KCNK15: variants seen among roughly 807,000 people sequenced by gnomAD.
KCNK15 encodes the protein potassium channel subfamily K member 15.
In KCNK15, 9 loss-of-function variants were observed where a neutral mutation model predicts 8.5. The observed-to-expected ratio is 1.06, with a 90% CI of 0.64 to 1.85. KCNK15 has a LOEUF of 1.85. Ranked by LOEUF, KCNK15 falls within the 40% of genes most tolerant of loss-of-function variation. The pLI is 0.00. For synonymous variants in KCNK15, 224 were observed against 232.7 expected, an observed-to-expected ratio of 0.96 and a Z score of 0.34; for missense variants, 467 against 476.8, an observed-to-expected ratio of 0.98 and a Z score of 0.19.
Position 44,750,339 on chromosome 20 carries a change from T to A in KCNK15, c.494T>A (p.Leu165Gln). The A allele has an allele frequency of 6.2e-7, 1 of 1,612,072 alleles. No individual in the cohort carries two copies. The highest frequency in any genetic ancestry group is 8.5e-7 in the Non-Finnish European group (1 of 1,179,482). Reference protein sequence around the residue: ...STENLVVAGLLACAATLALGA... With the variant: ...STENLVVAGLQACAATLALGA... ...GAGAACCTGGTGGTGGCCGGGCTGC[T>A]GGCGTGTGCCGCCACCCTGGCCCTC... is the stretch of plus-strand genomic sequence containing the variant. The change falls in exon 2 of 2, where the codon CTG becomes CAG. Residue 165 changes from leucine (L) to glutamine (Q), a missense_variant. Physicochemically the swap from Leu to Gln is moderately radical, Grantham distance 113. Around this residue, in one of 2 missense-constraint regions of KCNK15, gnomAD observed 455 missense variants for 441.2 expected, o/e 1.03. Transcript: ENST00000372861.
chr20:44,750,138 A>C lies in KCNK15; in HGVS notation c.293A>C (p.His98Pro). Residue 98 changes from histidine to proline, a missense_variant, in exon 2 of 2, where the codon CAC (histidine) becomes CCC (proline). By Grantham distance (77) the His-to-Pro change is moderately conservative. Coordinates refer to ENST00000372861, the MANE Select transcript of KCNK15 (RefSeq NM_022358.4). ...CGCTCTCCCTGCATAGAGTACGGCC[A>C]CGCCGCGCCGGGTACGGACTCCGGC... The part of the protein sequence containing the change: ...ITVITTIEYG[H>P]AAPGTDSGKV... The C allele has an allele frequency of 2.5e-6, 4 of 1,606,040 alleles. No individual in the cohort carries two copies. Among genetic ancestry groups the C allele is most frequent in the Non-Finnish European group, 3.4e-6 (4 of 1,178,564 alleles).
Position 44,750,351 on chromosome 20 carries a change from C to T in KCNK15, c.506C>T (p.Ala169Val). ...LVVAGLLACA[A>V]TLALGAVAFS... is the part of the protein sequence containing the mutation. Reference sequence around the variant, plus strand: ...GTGGCCGGGCTGCTGGCGTGTGCCGCCACCCTGGCCCTCGGGGCCGTCGCC... The same window carrying T: ...GTGGCCGGGCTGCTGGCGTGTGCCGTCACCCTGGCCCTCGGGGCCGTCGCC... Residue 169 changes from alanine to valine, a missense_variant, in exon 2 of 2, where the codon GCC becomes GTC. Ala to Val is a moderately conservative substitution (Grantham distance 64). This residue lies in a region of KCNK15 where 455 missense variants were observed against 441.2 expected (regional missense o/e 1.03). Transcript: ENST00000372861. The T allele has an allele frequency of 6.2e-7, 1 of 1,612,756 alleles. No homozygotes were observed. The highest frequency in any genetic ancestry group is 8.5e-7 in the Non-Finnish European group (1 of 1,179,670).
In KCNK15 at chr20:44,751,672, T is replaced by C. The variant is rs2066032917; in HGVS notation, c.*834T>C. 6.6e-6 allele frequency: 1 copy of C among 152,180 alleles called. No homozygotes were observed. The highest frequency in any genetic ancestry group is 6.5e-5 in the Admixed American group (1 of 15,280). 9.4% of individuals were successfully genotyped at this position (152,180 alleles called of 1,614,324 possible). A position where few individuals can be genotyped will look rare whatever the true frequency, so the allele number is the denominator to read the frequency against. On this transcript the variant is annotated 3_prime_UTR_variant, in exon 2 of 2. Coordinates refer to ENST00000372861, the MANE Select transcript of KCNK15 (RefSeq NM_022358.4). Reference sequence around the variant, plus strand: ...CTCTTACGCATCTCTGGCAGGACTTTCTGGAACAGGCCCCTGCACCATAAG... The same window carrying C: ...CTCTTACGCATCTCTGGCAGGACTTCCTGGAACAGGCCCCTGCACCATAAG...
In KCNK15 at chr20:44,750,905, C is replaced by T; in HGVS notation, c.*67C>T. 1 of 1,121,004 alleles carries T rather than the reference C, an allele frequency of 8.9e-7. No homozygotes were observed. Among genetic ancestry groups the T allele is most frequent in the Non-Finnish European group, 1.2e-6 (1 of 858,572 alleles). The allele number at this position is 1,121,004 out of a possible 1,614,324, so 69.4% of individuals were successfully genotyped here. A position where few individuals can be genotyped will look rare whatever the true frequency, so the allele number is the denominator to read the frequency against. On this transcript the variant is annotated 3_prime_UTR_variant, in exon 2 of 2. Transcript: ENST00000372861. The stretch of plus-strand genomic sequence containing the variant: ...CTGGCTTCAGCTATCAGGGCACCCT[C>T]CCCAGGGATTGGAAACGGATGACGG...
intron 1 of KCNK15, among the ~76,000 whole-genome samples, chr20:44,748,119 ACT>A (rs2066015160): frequency 6.6e-6 from 1 of 151,806 alleles, no homozygotes; most frequent in African/African-American, 2.4e-5. Context: ...TATTCATTTC[ACT>A]CTCTGCCAAA....
At chr20:44,748,794 C>A (rs2066017273) in intron 1 of KCNK15, among the ~76,000 whole-genome samples, 1 of 152,282 alleles carries the variant, frequency 6.6e-6, no homozygotes, top group South Asian at 2.1e-4. Flanking sequence ...CTGTCCTGTG[C>A]ATTGCAAGAT....
Position 44,750,777 on chromosome 20 carries a change from G to T in KCNK15, c.932G>T (p.Ser311Ile). 2 of 1,509,896 alleles carry T rather than the reference G, an allele frequency of 1.3e-6. No individual in the cohort carries two copies. The highest frequency in any genetic ancestry group is 2.7e-5 in the East Asian group (1 of 37,734). 93.5% of individuals were successfully genotyped at this position (1,509,896 alleles called of 1,614,324 possible). ...AACCTGGGCTTTTCGCCCCCCTCGA[G>T]CCCGGGGGTCGTGCGTGGCGGGCAG... ...RDNLGFSPPS[S>I]PGVVRGGQAP... is the part of the protein sequence containing the mutation. Residue 311 changes from serine (S) to isoleucine (I), a missense_variant, in exon 2 of 2, where the codon AGC becomes ATC. By Grantham distance (142) the Ser-to-Ile change is moderately radical (BLOSUM62 -2). Around this residue, in one of 2 missense-constraint regions of KCNK15, gnomAD observed 455 missense variants for 441.2 expected, o/e 1.03. Coordinates refer to ENST00000372861, the MANE Select transcript of KCNK15 (RefSeq NM_022358.4).
rs755083203 is a variant in KCNK15 at position 44,750,228 on chromosome 20, T to TG, written c.386dup (p.Glu130ArgfsTer232). 13 of 1,611,588 alleles carry TG rather than the reference T, an allele frequency of 8.1e-6. No homozygotes were observed. The East Asian group carries it at 2.9e-4, about 36-fold the overall frequency. On this transcript the variant is annotated frameshift_variant, in exon 2 of 2. Transcript: ENST00000372861. LOFTEE classifies it low-confidence loss of function (END_TRUNC). ...CTGACGCTGGTCACTTTCCAGAGCC[T>TG]GGGCGAACGGCTGAACGCGGTGGTG...
At position 44,750,695 on chromosome 20, in the gene KCNK15, G is replaced by C; in HGVS notation, c.850G>C (p.Val284Leu). ...GCTGCCCCGCCGCCCGGCCCGCTCC[G>C]TGGGCTCCGCCTCTGTCTTCTGCCA... The part of the protein sequence containing the change: ...LWLPRRPARS[V>L]GSASVFCHVH... Residue 284 changes from valine (V) to leucine (L), a missense_variant, in exon 2 of 2, where the codon GTG becomes CTG. This residue lies in a region of KCNK15 where 455 missense variants were observed against 441.2 expected (regional missense o/e 1.03). Coordinates refer to ENST00000372861, the MANE Select transcript of KCNK15 (RefSeq NM_022358.4). 1 of 1,495,650 alleles carries C rather than the reference G, an allele frequency of 6.7e-7. No homozygotes were observed. Among genetic ancestry groups the C allele is most frequent in the Non-Finnish European group, 8.9e-7 (1 of 1,129,734 alleles). 92.6% of individuals were successfully genotyped at this position (1,495,650 alleles called of 1,614,324 possible). A position where few individuals can be genotyped will look rare whatever the true frequency, so the allele number is the denominator to read the frequency against.
At chr20:44,746,381 A>C (rs1248186018) in intron 1 of KCNK15, among the ~76,000 whole-genome samples, 188 bp downstream of exon 1, 1 of 152,144 alleles carries the variant, frequency 6.6e-6, no homozygotes, top group Non-Finnish European at 1.5e-5. Flanking sequence ...CCCTCTGCTG[A>C]ATGGAGCTGT....
Position 44,751,085 on chromosome 20 carries a change from T to C in KCNK15, c.*247T>C. On this transcript the variant is annotated 3_prime_UTR_variant, in exon 2 of 2. Transcript: ENST00000372861. ...AGCAAATTCCTTGTAGTCCAAATTG[T>C]ATGAGGGCGTGGCCACATCAGCACT... 3.0e-6 allele frequency: 1 copy of C among 330,942 alleles called. No individual in the cohort carries two copies. The allele number at this position is 330,942 out of a possible 1,614,324, so 20.5% of individuals were successfully genotyped here. A position where few individuals can be genotyped will look rare whatever the true frequency, so the allele number is the denominator to read the frequency against.
In KCNK15 at chr20:44,750,696, T is replaced by A; in HGVS notation, c.851T>A (p.Val284Glu). Residue 284 changes from valine to glutamate, a missense_variant, in exon 2 of 2, where the codon GTG becomes GAG. This residue lies in a region of KCNK15 where 455 missense variants were observed against 441.2 expected (regional missense o/e 1.03). Coordinates refer to ENST00000372861, the MANE Select transcript of KCNK15 (RefSeq NM_022358.4). ...LWLPRRPARS[V>E]GSASVFCHVH... ...CTGCCCCGCCGCCCGGCCCGCTCCG[T>A]GGGCTCCGCCTCTGTCTTCTGCCAC... The A allele has an allele frequency of 1.3e-6, 2 of 1,497,270 alleles. No individual in the cohort carries two copies. Among genetic ancestry groups the A allele is most frequent in the Non-Finnish European group, 1.8e-6 (2 of 1,130,498 alleles). The allele number at this position is 1,497,270 out of a possible 1,614,324, so 92.7% of individuals were successfully genotyped here. A position where few individuals can be genotyped will look rare whatever the true frequency, so the allele number is the denominator to read the frequency against.
In KCNK15 at chr20:44,746,044, G is replaced by T. The variant is rs1398951908; in HGVS notation, c.134G>T (p.Arg45Leu). Residue 45 changes from arginine (R) to leucine (L), a missense_variant, in exon 1 of 2, where the codon CGG becomes CTG. This residue lies in a region of KCNK15 where 455 missense variants were observed against 441.2 expected (regional missense o/e 1.03). Coordinates refer to ENST00000372861, the MANE Select transcript of KCNK15 (RefSeq NM_022358.4). ...CGCCAGCGACTGCTGGTCCAGAAGCGGGGCGCTCTCCGGAGGAAGTTCGGC... is the reference window on the plus strand; with the variant it reads ...CGCCAGCGACTGCTGGTCCAGAAGCTGGGCGCTCTCCGGAGGAAGTTCGGC... ...SGRQRLLVQKRGALRRKFGFS... is the reference protein window; with the variant it reads ...SGRQRLLVQKLGALRRKFGFS... 4 of 1,549,016 alleles carry T rather than the reference G, an allele frequency of 2.6e-6. No individual in the cohort carries two copies. The highest frequency in any genetic ancestry group is 2.6e-6 in the Non-Finnish European group (3 of 1,147,282).
At chr20:44,746,763 G>A (rs2066009661) in intron 1 of KCNK15, 1 of 152,182 alleles carries the variant, frequency 6.6e-6, no homozygotes. Context: ...AATTGTTATT[G>A]TTACCCCATG....
In KCNK15 at chr20:44,745,870, G is replaced by C. The variant is rs781595535; in HGVS notation, c.-41G>C. 2 of 1,247,892 alleles carry C rather than the reference G, an allele frequency of 1.6e-6. No individual in the cohort carries two copies. The highest frequency in any genetic ancestry group is 4.2e-5 in the Admixed American group (1 of 24,004). The allele number at this position is 1,247,892 out of a possible 1,614,324, so 77.3% of individuals were successfully genotyped here. A position where few individuals can be genotyped will look rare whatever the true frequency, so the allele number is the denominator to read the frequency against. On this transcript the variant is annotated 5_prime_UTR_variant, in exon 1 of 2. Transcript: ENST00000372861. ...GCGGAGCGCGCGGTCCGGGCACACG[G>C]AGCAGGTTGGGACCGCGGCGGGTAC... is the stretch of plus-strand genomic sequence containing the variant.
At position 44,750,611 on chromosome 20, in the gene KCNK15, C is replaced by T. The variant is rs776065264; in HGVS notation, c.766C>T (p.Arg256Cys). The part of the protein sequence containing the change: ...FLVASADWPE[R>C]AARTPSPRPP... ...CGTTGCCAGCGCCGACTGGCCCGAG[C>T]GCGCTGCCCGCACCCCCAGCCCGCG... The change falls in exon 2 of 2, where the codon CGC (arginine) becomes TGC (cysteine). Residue 256 changes from arginine to cysteine, a missense_variant. Physicochemically the swap from Arg to Cys is radical, Grantham distance 180. Transcript: ENST00000372861. 7 of 1,600,658 alleles carry T rather than the reference C, an allele frequency of 4.4e-6. No individual in the cohort carries two copies. In the East Asian group the frequency reaches 6.7e-5, roughly 15 times the overall value.
Position 44,746,085 on chromosome 20 carries a change from T to G in KCNK15, c.175T>G (p.Tyr59Asp), listed in dbSNP as rs767558106. 4 of 1,541,758 alleles carry G rather than the reference T, an allele frequency of 2.6e-6. No individual in the cohort carries two copies. The East Asian group carries it at 1.0e-4, about 39-fold the overall frequency. The change falls in exon 1 of 2, where the codon TAC (tyrosine) becomes GAC (aspartate). Residue 59 changes from tyrosine (Y) to aspartate (D), a missense_variant. By Grantham distance (160) the Tyr-to-Asp change is radical. This residue lies in a region of KCNK15 where 455 missense variants were observed against 441.2 expected (regional missense o/e 1.03). Coordinates refer to ENST00000372861, the MANE Select transcript of KCNK15 (RefSeq NM_022358.4). ...GAAGTTCGGCTTCTCGGCCGAGGAC[T>G]ACCGCGAGCTGGAGCGCCTGGCGCT... ...RRKFGFSAED[Y>D]RELERLALQA...
rs1323782206 is a variant in KCNK15, at chr20:44,747,354, T to C, written c.283+1161T>C. Among the ~76,000 whole-genome samples the C allele has an allele frequency of 2.0e-5, 3 of 152,198 alleles. No individual in the cohort carries two copies. The East Asian group carries it at 5.8e-4, about 29-fold the overall frequency. On this transcript the variant is annotated intron_variant, in intron 1 of 1. Coordinates refer to ENST00000372861, the MANE Select transcript of KCNK15 (RefSeq NM_022358.4). Reference sequence around the variant, plus strand: ...TTTCAGTGAGGTCAAGCATGTAACATGCTTGGCACAGTGCCTGAAGCCAAG... The same window carrying C: ...TTTCAGTGAGGTCAAGCATGTAACACGCTTGGCACAGTGCCTGAAGCCAAG...
At chr20:44,750,029 G>C (rs1057134678) in intron 1 of KCNK15, 100 bp from the exon 2 acceptor site, 21 of 1,112,924 alleles carry the variant, frequency 1.9e-5, no homozygotes, top group Non-Finnish European at 2.6e-5. Context: ...TTCCAGCCCC[G>C]GGGACGGGGA....
Sources: gnomAD v4.1 joint callset for allele counts (sites outside exome capture counted in the v4.1 genomes callset) on GRCh38, gnomAD v4.1.1 for gene constraint, gnomAD v4.1.1 regional missense constraint, MANE v1.5 for transcripts, NCBI Gene and HGNC (gene_info 2026-07-23, HGNC 2026-07-21) for gene names.